FBN2: variants seen among roughly 807,000 people sequenced by gnomAD.
FBN2 encodes the protein fibrillin-2.
Under a neutral mutation model 355.6 loss-of-function variants are expected in FBN2, and 105 were observed. The ratio of observed to expected loss-of-function variants is 0.30; its 90% CI spans 0.25 to 0.35. The LOEUF (loss-of-function observed/expected upper bound fraction) is 0.35, where lower values mean the gene tolerates loss of function less well. Among genes scored for constraint, FBN2 ranks in the 10% least tolerant of loss-of-function variants. The pLI is 1.00. For synonymous variants in FBN2, 1,350 were observed against 1,301.2 expected (o/e 1.04, Z -0.81); for missense variants, 3,280 against 3,758.7 (o/e 0.87, Z 3.33).
intron 17 of FBN2, chr5:128,365,462 G>GT (rs1452162102): frequency 6.6e-6 from 1 of 151,812 alleles, no homozygotes; most frequent in Non-Finnish European, 1.5e-5. Context: ...TGATGCTATT[G>GT]TTTTCAATAA....
intron 7 of FBN2, among the ~76,000 whole-genome samples, chr5:128,431,952 T>C (rs1753638332): frequency 6.6e-6 from 1 of 152,112 alleles, no homozygotes; most frequent in African/African-American, 2.4e-5. Context: ...TTTTGGACTG[T>C]AGTGGACAGC....
At chr5:128,355,255 G>A (rs1432703051) in intron 20 of FBN2, among the ~76,000 whole-genome samples, 1 of 152,138 alleles carries the variant, frequency 6.6e-6, no homozygotes, top group African/African-American at 2.4e-5. Flanking sequence ...ATATATCCAT[G>A]CAAGTTGAAG....
intron 7 of FBN2, among the ~76,000 whole-genome samples, chr5:128,420,258 T>C (rs1581278228): frequency 6.6e-6 from 1 of 152,226 alleles, no homozygotes; most frequent in Non-Finnish European, 1.5e-5. Context: ...ATATGAACCA[T>C]TAGCCATTGG....
intron 3 of FBN2, 90 bp from the exon 4 acceptor site, chr5:128,528,057 C>G (rs1281152505): frequency 1.2e-6 from 1 of 810,018 alleles, no homozygotes; most frequent in Non-Finnish European, 2.1e-6. Context: ...ACTCAATTAT[C>G]CAATTCAATG....
At chr5:128,497,138 G>T (rs975761312) in intron 5 of FBN2, among the ~76,000 whole-genome samples, 1 of 152,186 alleles carries the variant, frequency 6.6e-6, no homozygotes, top group African/African-American at 2.4e-5. Flanking sequence ...TTTCCTAAGT[G>T]TCTTCAACAG....
chr5:128,428,301 A>G, intron 7 of FBN2, among the ~76,000 whole-genome samples: 1 of 152,174 alleles, frequency 6.6e-6, no homozygotes. Flanking sequence ...AAGCTCTAAC[A>G]GCTCCCATCC....
At chr5:128,373,437 A>C (rs1019762980) in intron 15 of FBN2, among the ~76,000 whole-genome samples, 16 of 152,226 alleles carry the variant, frequency 1.1e-4, no homozygotes, top group African/African-American at 3.4e-4. Flanking sequence ...GATAAATTTG[A>C]GTGAACAGAT....
At chr5:128,449,829 A>G (rs543945361) in intron 6 of FBN2, among the ~76,000 whole-genome samples, 3 of 152,184 alleles carry the variant, frequency 2.0e-5, no homozygotes, top group East Asian at 1.9e-4. Context: ...CTTAAAAAGT[A>G]AAGAGATGAA....
intron 7 of FBN2, among the ~76,000 whole-genome samples, chr5:128,418,922 C>T (rs1753274549): frequency 6.6e-6 from 1 of 152,156 alleles, no homozygotes; most frequent in Admixed American, 6.6e-5. Context: ...GTTGCATTTA[C>T]AGATCGACTT....
rs1064797312 is a variant in FBN2, at chr5:128,345,571, C to T, written c.3003G>A (p.Glu1001=). Residue 1001 remains glutamate (E), a synonymous_variant, in exon 24 of 65, where the codon GAG becomes GAA. Coordinates refer to ENST00000262464, the MANE Select transcript of FBN2 (RefSeq NM_001999.4). The part of the protein sequence containing the change: ...TGRVCLDIRM[E]QCYLKWDEDE... The stretch of plus-strand genomic sequence containing the variant: ...CTTCATCCCACTTCAAGTAACACTG[C>T]TCCATGCGAATATCTACACCGAGAA... 1 of 1,612,632 alleles carries T rather than the reference C, an allele frequency of 6.2e-7. No individual in the cohort carries two copies.
rs1301101112 is a variant in FBN2 at position 128,374,186 on chromosome 5, T to C, written c.2095+442A>G. Among the ~76,000 whole-genome samples the C allele has an allele frequency of 2.0e-5, 3 of 152,156 alleles. No individual in the cohort carries two copies. In the East Asian group the frequency reaches 5.8e-4, roughly 29 times the overall value. On this transcript the variant is annotated intron_variant, in intron 15 of 64. Transcript: ENST00000262464. ...GAAGGGGGCTATCTGGGGGTTCCTG[T>C]CCATTAAAAAATAGCTTTGTTAATA...
At chr5:128,346,479 C>A (rs1751184749) in intron 23 of FBN2, among the ~76,000 whole-genome samples, 1 of 152,154 alleles carries the variant, frequency 6.6e-6, no homozygotes, top group Non-Finnish European at 1.5e-5. Flanking sequence ...GGAATGAGAT[C>A]CCTGATGGAA....
intron 5 of FBN2, among the ~76,000 whole-genome samples, chr5:128,503,136 T>C (rs1418293549): frequency 1.3e-5 from 2 of 152,172 alleles, no homozygotes; most frequent in Non-Finnish European, 2.9e-5. Flanking sequence ...CTGATGGTTT[T>C]ACAAAGGGGA....
At chr5:128,300,542 G>A (rs770071062) in intron 48 of FBN2, among the ~76,000 whole-genome samples, 6 of 152,226 alleles carry the variant, frequency 3.9e-5, no homozygotes, top group African/African-American at 7.2e-5. Flanking sequence ...TTCACTGAAA[G>A]TCGCTGCTGA....
At chr5:128,305,752 C>T (rs1423951643) in intron 43 of FBN2, 71 bp downstream of exon 43, 3 of 1,602,470 alleles carry the variant, frequency 1.9e-6, no homozygotes, top group Non-Finnish European at 2.6e-6. Flanking sequence ...TAGTAAAAAT[C>T]AGAAACCATC....
In FBN2 at chr5:128,335,071, TAAC is replaced by T. The variant is rs547745692; in HGVS notation, c.3973+96_3973+98del. The T allele has an allele frequency of 5.6e-3, 8,678 of 1,541,770 alleles. 94 individuals carry two copies. Among genetic ancestry groups the T allele is most frequent in the Non-Finnish European group, 5.9e-3 (6,582 of 1,119,262 alleles). ...AGTAAAATGATTTGAATTTTTAAAA[TAAC>T]AACAGAAAAAGCCTTCCTTTTATCA... On this transcript the variant is annotated intron_variant, in intron 30 of 64. Transcript: ENST00000262464.
Position 128,446,467 on chromosome 5 carries a change from G to A in FBN2, c.952+14C>T. The A allele has an allele frequency of 6.2e-7, 1 of 1,613,294 alleles. No homozygotes were observed. The highest frequency in any genetic ancestry group is 1.3e-5 in the African/African-American group (1 of 75,026). Reference sequence around the variant, plus strand: ...GTCACAATTAGGCATGCTTCCCAAAGTAGAGAGACTCACCTTCACATTTCT... The same window carrying A: ...GTCACAATTAGGCATGCTTCCCAAAATAGAGAGACTCACCTTCACATTTCT... On this transcript the variant is annotated intron_variant, in intron 7 of 64. Coordinates refer to ENST00000262464, the MANE Select transcript of FBN2 (RefSeq NM_001999.4).
chr5:128,489,090 T>C (rs1208738595), intron 5 of FBN2, among the ~76,000 whole-genome samples: 1 of 151,252 alleles, frequency 6.6e-6, no homozygotes, highest in Admixed American at 6.6e-5. Context: ...ACTTCCACAA[T>C]GGTTGAACTA....
chr5:128,298,600 C>T (rs1749607177), intron 48 of FBN2, among the ~76,000 whole-genome samples: 10 of 151,860 alleles, frequency 6.6e-5, no homozygotes, highest in African/African-American at 2.2e-4. Context: ...TCTTCCATCG[C>T]TGATACCCTT....
Sources: gnomAD v4.1 joint callset for allele counts (sites outside exome capture counted in the v4.1 genomes callset) on GRCh38, gnomAD v4.1.1 for gene constraint, MANE v1.5 for transcripts, NCBI Gene and HGNC (gene_info 2026-07-23, HGNC 2026-07-21) for gene names.